The following TOP3A variants were observed in gnomAD, a reference collection of about 807,000 sequenced individuals.
The protein encoded by TOP3A is DNA topoisomerase 3-alpha.
A neutral mutation model predicts 111.3 loss-of-function variants in TOP3A; 64 were observed. The observed-to-expected ratio is 0.57, with a 90% CI of 0.47 to 0.71. The LOEUF is 0.71. Among genes scored for constraint, TOP3A ranks in the 30% least tolerant of loss-of-function variants. The probability of loss-of-function intolerance (pLI) is 0.00; values close to 1 mark genes in which losing one functional copy is unlikely to be tolerated. For missense variants in TOP3A, 1,104 were observed against 1,285.0 expected (o/e 0.86, Z 2.15); for synonymous variants, 484 against 485.1 (o/e 1.00, Z 0.03).
intron 8 of TOP3A, among the ~76,000 whole-genome samples, chr17:18,299,841 T>C (rs1263450439): frequency 1.3e-5 from 2 of 152,162 alleles, no homozygotes; most frequent in Admixed American, 6.5e-5. Context: ...CAAACCAAGA[T>C]TGTGAAGGGC....
rs1980446474 is a variant in TOP3A at position 18,291,024 on chromosome 17, C to T, written c.1285G>A (p.Asp429Asn). The change falls in exon 12 of 19, where the codon GAT becomes AAT. Residue 429 changes from aspartate (D) to asparagine (N), a missense_variant. By Grantham distance (23) the Asp-to-Asn change is conservative (BLOSUM62 1). Transcript: ENST00000321105. ...ATAAACTCGTACAGTCGCTGTTCAT[C>T]TCCCTAGGAAGAAAAGAGGAGTACG... ...PTKYTNNLQG[D>N]EQRLYEFIVR... is the part of the protein sequence containing the mutation. The T allele has an allele frequency of 3.1e-6, 5 of 1,613,820 alleles. No homozygotes were observed. The highest frequency in any genetic ancestry group is 1.3e-5 in the African/African-American group (1 of 74,914).
At chr17:18,304,797 G>A (rs150112675) in intron 5 of TOP3A, among the ~76,000 whole-genome samples, 9 of 152,030 alleles carry the variant, frequency 5.9e-5, no homozygotes, top group East Asian at 5.8e-4. Flanking sequence ...TCAAGGAGCC[G>A]GGTATCTGCT....
intron 16 of TOP3A, 76 bp from the exon 17 acceptor site, chr17:18,280,734 C>T: frequency 1.3e-6 from 2 of 1,531,284 alleles, no homozygotes; most frequent in Non-Finnish European, 1.8e-6. Flanking sequence ...CTAAGGCAGC[C>T]TTTCCTCAGC....
At position 18,277,855 on chromosome 17, in the gene TOP3A, C is replaced by T; in HGVS notation, c.2647G>A (p.Gly883Arg). The T allele has an allele frequency of 6.2e-7, 1 of 1,614,138 alleles. No individual in the cohort carries two copies. Among genetic ancestry groups the T allele is most frequent in the Non-Finnish European group, 8.5e-7 (1 of 1,180,030 alleles). The change falls in exon 18 of 19, where the codon GGG becomes AGG. Residue 883 changes from glycine to arginine, a missense_variant. Coordinates refer to ENST00000321105, the MANE Select transcript of TOP3A (RefSeq NM_004618.5). ...CPPGPGIHLG[G>R]FGNPGDGSGS... ...CTGCCATCACCAGGGTTGCCAAACC[C>T]ACCTAGGTGGATCCCTGGGCCTGGT...
At chr17:18,298,402 G>A (rs1295294756) in intron 9 of TOP3A, among the ~76,000 whole-genome samples, 20 of 142,970 alleles carry the variant, frequency 1.4e-4, no homozygotes, top group Non-Finnish European at 2.3e-4. Context: ...CCCCCCACCC[G>A]GCCAGCCTCC....
In TOP3A at chr17:18,294,763, C is replaced by A; in HGVS notation, c.1013G>T (p.Arg338Leu). 6.2e-7 allele frequency: 1 copy of A among 1,613,954 alleles called. No homozygotes were observed. The highest frequency in any genetic ancestry group is 8.5e-7 in the Non-Finnish European group (1 of 1,179,876). The change falls in exon 10 of 19, where the codon CGA (arginine) becomes CTA (leucine). Residue 338 changes from arginine (R) to leucine (L), a missense_variant. By Grantham distance (102) the Arg-to-Leu change is moderately radical. Transcript: ENST00000321105. ...DTVELEKLAS[R>L]KLRINAKETM... Reference sequence around the variant, plus strand: ...TTCTTTAGCATTTATTCTCAACTTTCGAGAAGCCAGCTTCTCAAGCTCCTG... The same window carrying A: ...TTCTTTAGCATTTATTCTCAACTTTAGAGAAGCCAGCTTCTCAAGCTCCTG...
chr17:18,309,928 T>C (rs1212307842), intron 1 of TOP3A, among the ~76,000 whole-genome samples: 1 of 151,112 alleles, frequency 6.6e-6, no homozygotes, highest in African/African-American at 2.4e-5. Context: ...GCCAGAATGT[T>C]CTCAATCTCC....
Position 18,306,883 on chromosome 17 carries a change from G to GA in TOP3A, c.390+7dup, listed in dbSNP as rs1317760288. On this transcript the variant is annotated splice_region_variant and intron_variant, in intron 4 of 18. Coordinates refer to ENST00000321105, the MANE Select transcript of TOP3A (RefSeq NM_004618.5). The stretch of plus-strand genomic sequence containing the variant: ...ACTCAGTGCCATATGTCTTCCAAAA[G>GA]ACCCTACCTTGATGTCTACAAAATT... 6.3e-7 allele frequency: 1 copy of GA among 1,597,378 alleles called. No individual in the cohort carries two copies. Among genetic ancestry groups the GA allele is most frequent in the South Asian group, 1.1e-5 (1 of 90,612 alleles).
rs1765028194 is a variant in TOP3A at position 18,290,816 on chromosome 17, T to G, written c.1467+26A>C. On this transcript the variant is annotated intron_variant, in intron 12 of 18. Transcript: ENST00000321105. ...GGGCTCACAACACAACTGTCCTCCCTCTCACTGGGGACCACTCTTTATTAC... is the reference window on the plus strand; with the variant it reads ...GGGCTCACAACACAACTGTCCTCCCGCTCACTGGGGACCACTCTTTATTAC... 3.7e-6 allele frequency: 6 copies of G among 1,610,012 alleles called. No homozygotes were observed. In the African/African-American group the frequency reaches 8.0e-5, roughly 21 times the overall value.
chr17:18,277,723 C>T lies in TOP3A; in HGVS notation c.2779G>A (p.Glu927Lys). Residue 927 changes from glutamate to lysine, a missense_variant, in exon 18 of 19, where the codon GAG becomes AAG. Coordinates refer to ENST00000321105, the MANE Select transcript of TOP3A (RefSeq NM_004618.5). ...CACTGGAAAAAGCCACACTGCTGCT[C>T]TCTCGGCTTGGCACATGTGTGGAAC... ...RQFHTCAKPR[E>K]QQCGFFQWVD... 5.0e-6 allele frequency: 8 copies of T among 1,613,930 alleles called. No individual in the cohort carries two copies. The highest frequency in any genetic ancestry group is 6.8e-6 in the Non-Finnish European group (8 of 1,179,806).
intron 10 of TOP3A, 24 bp from the exon 11 acceptor site, chr17:18,292,876 A>C: frequency 6.3e-7 from 1 of 1,592,778 alleles, no homozygotes; most frequent in Non-Finnish European, 8.6e-7. Context: ...AAACAAACAG[A>C]AAAAGAAATT....
Position 18,301,943 on chromosome 17 carries a change from T to C in TOP3A, c.857A>G (p.Lys286Arg). 6.2e-7 allele frequency: 1 copy of C among 1,614,214 alleles called. No individual in the cohort carries two copies. The highest frequency in any genetic ancestry group is 1.6e-4 in the Middle Eastern group (1 of 6,062). Residue 286 changes from lysine (K) to arginine (R), a missense_variant, in exon 8 of 19, where the codon AAA becomes AGA. Transcript: ENST00000321105. The part of the protein sequence containing the change: ...HKDGIVEFNW[K>R]RHRLFNHTAC... ...CGTGTGGTTAAAGAGTCGATGCCTT[T>C]TCCAGTTGAATTCTACGATACCATC... is the stretch of plus-strand genomic sequence containing the variant.
intron 5 of TOP3A, among the ~76,000 whole-genome samples, chr17:18,304,635 T>C (rs1567750000): frequency 6.6e-6 from 1 of 152,334 alleles, no homozygotes; most frequent in East Asian, 1.9e-4. Flanking sequence ...TTTATAATTA[T>C]TTTTTGTACT....
chr17:18,289,322 T>C (rs1980322609), intron 13 of TOP3A, among the ~76,000 whole-genome samples: 1 of 148,176 alleles, frequency 6.7e-6, no homozygotes, highest in South Asian at 2.1e-4. Context: ...GCCAGATCTG[T>C]TTTGTTGTTG....
rs765072503 is a variant in TOP3A at position 18,314,610 on chromosome 17, G to T, written c.169C>A (p.Arg57Ser). The change falls in exon 1 of 19, where the codon CGC (arginine) becomes AGC (serine). Residue 57 changes from arginine to serine, a missense_variant. Coordinates refer to ENST00000321105, the MANE Select transcript of TOP3A (RefSeq NM_004618.5). Reference protein sequence around the residue: ...KGIADLLSNGRMRRREGLSKF... With the variant: ...KGIADLLSNGSMRRREGLSKF... Reference sequence around the variant, plus strand: ...ACGCGCTTTCTTACCCGCCTCATGCGACCGTTTGACAGCAGGTCGGCGATC... The same window carrying T: ...ACGCGCTTTCTTACCCGCCTCATGCTACCGTTTGACAGCAGGTCGGCGATC... 1 of 1,610,212 alleles carries T rather than the reference G, an allele frequency of 6.2e-7. No individual in the cohort carries two copies. Among genetic ancestry groups the T allele is most frequent in the Non-Finnish European group, 8.5e-7 (1 of 1,177,934 alleles).
intron 18 of TOP3A, among the ~76,000 whole-genome samples, chr17:18,277,445 T>C (rs537728206): frequency 2.6e-5 from 4 of 152,366 alleles, no homozygotes; most frequent in South Asian, 2.1e-4. Context: ...GTGCCAGGCA[T>C]AGGGCAAGTG....
At chr17:18,306,747 T>C (rs1036736483) in intron 4 of TOP3A, 144 bp downstream of exon 4, 9 of 625,226 alleles carry the variant, frequency 1.4e-5, no homozygotes, top group Non-Finnish European at 2.5e-5. Context: ...ATTTATACAA[T>C]GGGTGGGAAC....
chr17:18,297,453 C>CCTCTCT (rs1567745387), intron 9 of TOP3A, among the ~76,000 whole-genome samples: 1 of 151,980 alleles, frequency 6.6e-6, no homozygotes, highest in African/African-American at 2.4e-5. Flanking sequence ...TCTCCCTCTC[C>CCTCTCT]CCACGGTCTC....
At chr17:18,297,450 C>CTCCCTCTCCCTG (rs1243774401) in intron 9 of TOP3A, among the ~76,000 whole-genome samples, 28 of 151,864 alleles carry the variant, frequency 1.8e-4, no homozygotes, top group Non-Finnish European at 2.5e-4. Flanking sequence ...CCCTCTCCCT[C>CTCCCTCTCCCTG]TCCCCACGGT....
Sources: gnomAD v4.1 joint callset for allele counts (sites outside exome capture counted in the v4.1 genomes callset) on GRCh38, gnomAD v4.1.1 for gene constraint, MANE v1.5 for transcripts, NCBI Gene and HGNC (gene_info 2026-07-23, HGNC 2026-07-21) for gene names.